The following ATL2 variants were observed in gnomAD, a reference collection of about 807,000 sequenced individuals.
ATL2 encodes the protein atlastin-2.
ATL2 carries 31 observed loss-of-function variants against 73.9 expected under a neutral mutation model. That is an observed-to-expected ratio of 0.42 (90% CI 0.32 to 0.57). The LOEUF (loss-of-function observed/expected upper bound fraction) is 0.57. Ranked by LOEUF, ATL2 falls within the 20% of genes least tolerant of loss-of-function variation. The probability of loss-of-function intolerance (pLI) is 0.14; values close to 1 mark genes in which losing one functional copy is unlikely to be tolerated. For missense variants in ATL2, 738 were observed against 702.6 expected (o/e 1.05, Z -0.57); for synonymous variants, 291 against 237.5 (o/e 1.23, Z -2.07).
chr2:38,348,694 C>T (rs1041968060), intron 1 of ATL2, among the ~76,000 whole-genome samples: 5 of 150,614 alleles, frequency 3.3e-5, no homozygotes, highest in Admixed American at 3.3e-4. Context: ...AACTAAAGAG[C>T]TTCTGCACAG....
At chr2:38,310,497 T>G (rs780327810) in intron 7 of ATL2, 50 bp from the exon 8 acceptor site, 1 of 1,532,290 alleles carries the variant, frequency 6.5e-7, no homozygotes, top group South Asian at 1.2e-5. Flanking sequence ...AAAGAAAATT[T>G]TTTTAAAGAA....
At chr2:38,357,028 C>G (rs1239812464) in intron 1 of ATL2, among the ~76,000 whole-genome samples, 1 of 152,074 alleles carries the variant, frequency 6.6e-6, no homozygotes, top group Non-Finnish European at 1.5e-5. Context: ...TGCTGGAAAT[C>G]TAATTTAAAA....
chr2:38,315,088 C>T (rs1286330263), intron 5 of ATL2, among the ~76,000 whole-genome samples, 196 bp downstream of exon 5: 1 of 152,220 alleles, frequency 6.6e-6, no homozygotes, highest in East Asian at 1.9e-4. Flanking sequence ...TTCATCTCCA[C>T]TAAAAATACA....
intron 1 of ATL2, among the ~76,000 whole-genome samples, chr2:38,365,597 T>C (rs1434535195): frequency 6.6e-6 from 1 of 152,148 alleles, no homozygotes; most frequent in East Asian, 1.9e-4. Context: ...GAGACCAGCC[T>C]GCCCAACATA....
chr2:38,363,790 G>C (rs934880956), intron 1 of ATL2, among the ~76,000 whole-genome samples: 1 of 152,130 alleles, frequency 6.6e-6, no homozygotes, highest in African/African-American at 2.4e-5. Flanking sequence ...AATAATAACA[G>C]TCTTTACTCT....
chr2:38,350,297 A>C (rs1436314027), intron 1 of ATL2, among the ~76,000 whole-genome samples: 1 of 152,204 alleles, frequency 6.6e-6, no homozygotes, highest in East Asian at 1.9e-4. Context: ...TCAAGGTCAA[A>C]GCTAAAAGAC....
rs961785646 is a variant in ATL2 at position 38,306,277 on chromosome 2, G to A, written c.1071+3102C>T. On this transcript the variant is annotated intron_variant, in intron 9 of 12. Transcript: ENST00000378954. ...AAAGTCTCCCAACAAAGAAAAGCCC[G>A]AAAGCTAATGGCTTCATTGCTGAAT... Among the ~76,000 whole-genome samples, 6 of 152,070 alleles carry A rather than the reference G, an allele frequency of 3.9e-5. No homozygotes were observed. The East Asian group carries it at 5.8e-4, about 15-fold the overall frequency.
intron 2 of ATL2, among the ~76,000 whole-genome samples, chr2:38,341,626 G>A: frequency 6.6e-6 from 1 of 152,294 alleles, no homozygotes; most frequent in Non-Finnish European, 1.5e-5. Flanking sequence ...CCGCACTCCA[G>A]CCTATGTGAC....
At chr2:38,345,745 C>G (rs1215391972) in intron 1 of ATL2, among the ~76,000 whole-genome samples, 1 of 152,144 alleles carries the variant, frequency 6.6e-6, no homozygotes, top group Non-Finnish European at 1.5e-5. Context: ...AAACAGGATG[C>G]AAACGGTATA....
chr2:38,324,898 A>G (rs1668511968), intron 2 of ATL2, among the ~76,000 whole-genome samples: 1 of 152,198 alleles, frequency 6.6e-6, no homozygotes, highest in African/African-American at 2.4e-5. Context: ...ATGGGGAGTT[A>G]GTGTTTAATG....
At chr2:38,370,668 G>A (rs1671635176) in intron 1 of ATL2, among the ~76,000 whole-genome samples, 1 of 151,852 alleles carries the variant, frequency 6.6e-6, no homozygotes, top group Admixed American at 6.6e-5. Flanking sequence ...TTGGGAGGCT[G>A]GGGCAGAAGA....
intron 1 of ATL2, among the ~76,000 whole-genome samples, chr2:38,369,850 T>A (rs1431042583): frequency 6.6e-6 from 1 of 151,342 alleles, no homozygotes; most frequent in Non-Finnish European, 1.5e-5. Context: ...CCTCTCGGAT[T>A]TGTCATTAAA....
chr2:38,334,653 G>A (rs952780451), intron 2 of ATL2, among the ~76,000 whole-genome samples: 18 of 151,052 alleles, frequency 1.2e-4, no homozygotes, highest in East Asian at 4.0e-4. Context: ...AGCCAAGATC[G>A]CGCCATTGCA....
chr2:38,332,567 A>T (rs1310188065), intron 2 of ATL2, among the ~76,000 whole-genome samples: 2 of 152,178 alleles, frequency 1.3e-5, no homozygotes, highest in Non-Finnish European at 2.9e-5. Context: ...TATACTAAAA[A>T]CCACTGAACC....
At chr2:38,368,072 C>G (rs976051251) in intron 1 of ATL2, among the ~76,000 whole-genome samples, 1 of 147,504 alleles carries the variant, frequency 6.8e-6, no homozygotes, top group African/African-American at 2.5e-5. Context: ...ACAGCTGGGA[C>G]TACAGGCGCC....
intron 12 of ATL2, chr2:38,297,898 C>A (rs1226990642): frequency 5.8e-6 from 2 of 346,568 alleles, no homozygotes; most frequent in African/African-American, 2.1e-5. Flanking sequence ...CCGTCTGATA[C>A]AATCAGGCCT....
intron 1 of ATL2, among the ~76,000 whole-genome samples, chr2:38,355,703 C>CT (rs34580648): frequency 0.062 from 8,533 of 136,850 alleles, 827 homozygotes; most frequent in African/African-American, 0.21. Flanking sequence ...TTGTTTGGTT[C>CT]TTTTTTTTTT....
chr2:38,360,065 G>A (rs1055676119), intron 1 of ATL2, among the ~76,000 whole-genome samples: 3 of 150,652 alleles, frequency 2.0e-5, no homozygotes, highest in African/African-American at 7.4e-5. Context: ...GGGAGGTAGA[G>A]GTTGCAGTGA....
At chr2:38,343,571 A>T in intron 1 of ATL2, 59 bp from the exon 2 acceptor site, 1 of 1,530,004 alleles carries the variant, frequency 6.5e-7, no homozygotes, top group South Asian at 1.2e-5. Flanking sequence ...AACTTTCATT[A>T]AGGACCACAA....
Sources: gnomAD v4.1 joint callset for allele counts (sites outside exome capture counted in the v4.1 genomes callset) on GRCh38, gnomAD v4.1.1 for gene constraint, MANE v1.5 for transcripts, NCBI Gene and HGNC (gene_info 2026-07-23, HGNC 2026-07-21) for gene names.